The following LARGE1 variants were observed in gnomAD, a reference collection of about 807,000 sequenced individuals.
LARGE1 encodes xylosyl- and glucuronyltransferase LARGE1.
Under a neutral mutation model 87.6 loss-of-function variants are expected in LARGE1, and 43 were observed. The observed-to-expected ratio is 0.49, with a 90% CI of 0.38 to 0.63. The LOEUF (loss-of-function observed/expected upper bound fraction) is 0.63, where lower values mean the gene tolerates loss of function less well. LARGE1 is among the 30% of genes least tolerant of loss of function. The pLI, the probability that LARGE1 is intolerant of heterozygous loss-of-function variation, is 0.00. For missense variants in LARGE1, 802 were observed against 1,000.2 expected (o/e 0.80, Z 2.67); for synonymous variants, 434 against 394.6 (o/e 1.10, Z -1.18).
intron 3 of LARGE1, 48 bp downstream of exon 3, chr22:33,650,319 A>C: frequency 6.2e-7 from 1 of 1,609,878 alleles, no homozygotes; most frequent in South Asian, 1.1e-5. Context: ...GGGTGAGGGC[A>C]ATCGGGACTT....
chr22:33,564,754 A>C, intron 6 of LARGE1, 94 bp downstream of exon 6: 1 of 1,282,724 alleles, frequency 7.8e-7, no homozygotes, highest in Non-Finnish European at 1.1e-6. Context: ...ACCTCATTCG[A>C]GGAGACCTCA....
chr22:33,920,396 A>C lies in LARGE1; in HGVS notation c.-484T>G. 6.7e-6 allele frequency: 1 copy of C among 149,676 alleles called. No individual in the cohort carries two copies. The highest frequency in any genetic ancestry group is 6.6e-5 in the Admixed American group (1 of 15,092). 9.3% of individuals were successfully genotyped at this position (149,676 alleles called of 1,614,324 possible). A position where few individuals can be genotyped will look rare whatever the true frequency, so the allele number is the denominator to read the frequency against. On this transcript the variant is annotated 5_prime_UTR_variant, in exon 1 of 15. Coordinates refer to ENST00000397394, the MANE Select transcript of LARGE1 (RefSeq NM_133642.5). ...CCTTCAGGGCAGGGCCTGCCCGCGA[A>C]CAGCCCGGCGAGACGAGCGCGGCCG...
At chr22:33,375,573 A>G (rs747105159) in intron 9 of LARGE1, among the ~76,000 whole-genome samples, 5 of 152,204 alleles carry the variant, frequency 3.3e-5, no homozygotes, top group Non-Finnish European at 7.3e-5. Context: ...CTGAAATGTC[A>G]TATCTGAGAA....
At chr22:33,804,339 C>A (rs2086248606) in intron 1 of LARGE1, among the ~76,000 whole-genome samples, 2 of 152,184 alleles carry the variant, frequency 1.3e-5, no homozygotes, top group Non-Finnish European at 1.5e-5. Flanking sequence ...TTGGTTCAAA[C>A]CAGAAGTCAA....
At chr22:33,317,736 G>A (rs1221940907) in intron 10 of LARGE1, among the ~76,000 whole-genome samples, 1 of 152,182 alleles carries the variant, frequency 6.6e-6, no homozygotes, top group Non-Finnish European at 1.5e-5. Flanking sequence ...TTTTACAGAT[G>A]AAGAACTGAA....
rs572250456 is a variant in LARGE1, at chr22:33,800,172, C to T, written c.-82-38614G>A. On this transcript the variant is annotated intron_variant, in intron 1 of 14. Coordinates refer to ENST00000397394, the MANE Select transcript of LARGE1 (RefSeq NM_133642.5). ...TTGCAGGCAAGGATTATATCAAAAG[C>T]TCTGACTGCTAAATACCTACCTCCC... is the stretch of plus-strand genomic sequence containing the variant. 4.0e-4 allele frequency among the ~76,000 whole-genome samples: 61 copies of T among 152,302 alleles called. 1 individual carries two copies. The highest frequency in any genetic ancestry group is 1.4e-3 in the African/African-American group (57 of 41,576).
chr22:33,814,724 A>ATG (rs5845113), intron 1 of LARGE1, among the ~76,000 whole-genome samples: 10,895 of 150,640 alleles, frequency 0.072, 501 homozygotes, highest in Admixed American at 0.11. Flanking sequence ...ATCAAGGTAT[A>ATG]TGTGTGTGTG....
chr22:33,561,846 G>C (rs531006675), intron 6 of LARGE1, among the ~76,000 whole-genome samples: 2 of 152,276 alleles, frequency 1.3e-5, no homozygotes, highest in South Asian at 4.1e-4. Context: ...GCTTCTTCTG[G>C]TAGAGGCTGA....
At chr22:33,303,038 G>A (rs367886065) in intron 12 of LARGE1, among the ~76,000 whole-genome samples, 2 of 152,286 alleles carry the variant, frequency 1.3e-5, no homozygotes, top group African/African-American at 4.8e-5. Context: ...TTTTTAAAAT[G>A]TCATTGGACC....
intron 11 of LARGE1, among the ~76,000 whole-genome samples, chr22:33,243,354 A>G (rs1268920233): frequency 2.0e-5 from 3 of 152,220 alleles, no homozygotes; most frequent in African/African-American, 7.2e-5. Flanking sequence ...AACATTTTTT[A>G]TCACCTCAGA....
intron 4 of LARGE1, among the ~76,000 whole-genome samples, chr22:33,605,206 A>T (rs1452413763): frequency 6.6e-6 from 1 of 151,976 alleles, no homozygotes; most frequent in African/African-American, 2.4e-5. Flanking sequence ...CAGAACTCAG[A>T]CCAAAGTGGA....
intron 1 of LARGE1, among the ~76,000 whole-genome samples, chr22:33,876,153 C>T (rs946003488): frequency 6.6e-6 from 1 of 152,176 alleles, no homozygotes; most frequent in African/African-American, 2.4e-5. Flanking sequence ...GGGTGGGCCT[C>T]TGTGGGCACA....
At chr22:33,399,219 G>A (rs1359778804) in intron 7 of LARGE1, among the ~76,000 whole-genome samples, 1 of 151,148 alleles carries the variant, frequency 6.6e-6, no homozygotes, top group Non-Finnish European at 1.5e-5. Context: ...TCTCACTTAC[G>A]AGTGAGAACA....
chr22:33,700,845 C>G (rs926536548), intron 2 of LARGE1, among the ~76,000 whole-genome samples: 2 of 152,130 alleles, frequency 1.3e-5, no homozygotes, highest in Non-Finnish European at 2.9e-5. Flanking sequence ...AGTTTAGGTA[C>G]CTTTTAAGCT....
At chr22:33,420,904 A>T (rs1321419845) in intron 7 of LARGE1, among the ~76,000 whole-genome samples, 1 of 152,174 alleles carries the variant, frequency 6.6e-6, no homozygotes, top group Non-Finnish European at 1.5e-5. Context: ...AAGGAAAAGG[A>T]AGGCTGGGCG....
chr22:33,184,327 C>G (rs1281995975), intron 11 of LARGE1, among the ~76,000 whole-genome samples: 1 of 150,830 alleles, frequency 6.6e-6, no homozygotes, highest in Non-Finnish European at 1.5e-5. Flanking sequence ...AAGCTAAATA[C>G]TACACTTCCA....
chr22:33,479,126 G>C (rs1481278777), intron 6 of LARGE1, among the ~76,000 whole-genome samples: 1 of 152,198 alleles, frequency 6.6e-6, no homozygotes, highest in Non-Finnish European at 1.5e-5. Context: ...CTGTGGCCAA[G>C]AGAAAGGTGC....
At chr22:33,760,403 T>C (rs1300154519) in intron 2 of LARGE1, among the ~76,000 whole-genome samples, 1 of 152,160 alleles carries the variant, frequency 6.6e-6, no homozygotes, top group Non-Finnish European at 1.5e-5. Context: ...CTTTGTTGCC[T>C]CCCTGCGCTC....
intron 9 of LARGE1, among the ~76,000 whole-genome samples, chr22:33,358,117 A>C (rs1941070038): frequency 6.6e-6 from 1 of 152,192 alleles, no homozygotes; most frequent in Non-Finnish European, 1.5e-5. Context: ...CCTCATATTT[A>C]ATCCTGAGGA....
Sources: gnomAD v4.1 joint callset for allele counts (sites outside exome capture counted in the v4.1 genomes callset) on GRCh38, gnomAD v4.1.1 for gene constraint, MANE v1.5 for transcripts, NCBI Gene and HGNC (gene_info 2026-07-23, HGNC 2026-07-21) for gene names.